The following ERGIC3 variants were observed in gnomAD, a reference collection of about 807,000 sequenced individuals.
ERGIC3 encodes ERGIC and golgi 3.
Under a neutral mutation model 54.7 loss-of-function variants are expected in ERGIC3, and 33 were observed. The observed-to-expected ratio is 0.60, with a 90% CI of 0.46 to 0.81. ERGIC3 has a LOEUF of 0.81. Among genes scored for constraint, ERGIC3 ranks in the 30% least tolerant of loss-of-function variants. The pLI, the probability that ERGIC3 is intolerant of heterozygous loss-of-function variation, is 0.00. For missense variants in ERGIC3, 399 were observed against 488.4 expected, an observed-to-expected ratio of 0.82 and a Z score of 1.73; for synonymous variants, 186 against 189.8, an observed-to-expected ratio of 0.98 and a Z score of 0.16.
chr20:35,543,030 GA>G lies in ERGIC3; in HGVS notation c.367+90del, dbSNP rs776492909. ...GCAAGTGAACTGTGGCAGGCATAGT[GA>G]TACATTAAACAACTAAGAGCTAGAG... On this transcript the variant is annotated intron_variant, in intron 4 of 12. Transcript: ENST00000348547. The G allele has an allele frequency of 3.0e-5, 47 of 1,587,662 alleles. No homozygotes were observed. The East Asian group carries it at 9.2e-4, about 31-fold the overall frequency.
intron 4 of ERGIC3, chr20:35,544,513 TC>T: frequency 3.6e-6 from 1 of 276,004 alleles, no homozygotes; most frequent in Non-Finnish European, 7.5e-6. Context: ...CGGATGTGCG[TC>T]CCCACTCTTT....
chr20:35,549,406 AT>A (rs1393768052), intron 7 of ERGIC3: 1 of 363,148 alleles, frequency 2.8e-6, no homozygotes, highest in African/African-American at 2.1e-5. Context: ...GGGTGAACAA[AT>A]GAGATTTATT....
chr20:35,542,488 T>G lies in ERGIC3; in HGVS notation c.160-25T>G, dbSNP rs150095495. ...GGGGAAGGAGAGGTTTGGGGCTAAG[T>G]CTTACTGAGGTAGCGCTGCCCCAGG... On this transcript the variant is annotated intron_variant, in intron 2 of 12. Coordinates refer to ENST00000348547, the MANE Select transcript of ERGIC3 (RefSeq NM_015966.3). 3.4e-3 allele frequency: 5,505 copies of G among 1,613,872 alleles called. 20 individuals carry two copies. Among genetic ancestry groups the G allele is most frequent in the Non-Finnish European group, 4.0e-3 (4,717 of 1,179,940 alleles).
chr20:35,547,168 A>T (rs2064653071), intron 4 of ERGIC3: 2 of 370,682 alleles, frequency 5.4e-6, no homozygotes, highest in African/African-American at 4.2e-5. Context: ...ATGGTTGTGA[A>T]GTACAGTGAT....
rs1462797135 is a variant in ERGIC3, at chr20:35,548,496, C to T, written c.462-13C>T. 12 of 1,613,390 alleles carry T rather than the reference C, an allele frequency of 7.4e-6. No individual in the cohort carries two copies. The highest frequency in any genetic ancestry group is 9.3e-6 in the Non-Finnish European group (11 of 1,179,890). Reference sequence around the variant, plus strand: ...CCTCTTTAACACTCTCACCGTCACTCCCTGCCCTACAGGTGCTGTAACACC... The same window carrying T: ...CCTCTTTAACACTCTCACCGTCACTTCCTGCCCTACAGGTGCTGTAACACC... On this transcript the variant is annotated splice_polypyrimidine_tract_variant and intron_variant, in intron 5 of 12. Transcript: ENST00000348547.
In ERGIC3 at chr20:35,549,555, T is replaced by C. The variant is rs147241705; in HGVS notation, c.685+690T>C. 405 of 186,688 alleles carry C rather than the reference T, an allele frequency of 2.2e-3. 4 individuals carry two copies. The highest frequency in any genetic ancestry group is 9.3e-3 in the African/African-American group (391 of 41,824). 11.6% of individuals were successfully genotyped at this position (186,688 alleles called of 1,614,324 possible). A position where few individuals can be genotyped will look rare whatever the true frequency, so the allele number is the denominator to read the frequency against. ...AAATAGACAATAAGTATATAAAATA[T>C]AAATAGTCCCCAATTAACAATGGTT... On this transcript the variant is annotated intron_variant, in intron 7 of 12. Coordinates refer to ENST00000348547, the MANE Select transcript of ERGIC3 (RefSeq NM_015966.3).
At chr20:35,549,348 T>C (rs2064669537) in intron 7 of ERGIC3, 1 of 403,818 alleles carries the variant, frequency 2.5e-6, no homozygotes, top group African/African-American at 2.1e-5. Context: ...AGTTGCTTCT[T>C]CTGTAAAATG....
chr20:35,549,236 C>G (rs765571897), intron 7 of ERGIC3: 1 of 473,528 alleles, frequency 2.1e-6, no homozygotes, highest in East Asian at 6.9e-5. Flanking sequence ...GGTAGCCCCC[C>G]GTGTCCGATG....
At chr20:35,550,269 C>G (rs750387938) in intron 7 of ERGIC3, among the ~76,000 whole-genome samples, 1 of 151,982 alleles carries the variant, frequency 6.6e-6, no homozygotes, top group Non-Finnish European at 1.5e-5. Flanking sequence ...TTGGCAAGTT[C>G]AAGATACAGT....
At position 35,555,034 on chromosome 20, in the gene ERGIC3, T is replaced by A; in HGVS notation, c.686-10T>A. ...ACGCCTTCTCCCTTGCCTTCTCCCT[T>A]CTCTCCTAGTCCATGACTTGCAGAG... is the stretch of plus-strand genomic sequence containing the variant. On this transcript the variant is annotated splice_polypyrimidine_tract_variant and intron_variant, in intron 7 of 12. Transcript: ENST00000348547. 6.2e-7 allele frequency: 1 copy of A among 1,613,190 alleles called. No homozygotes were observed. The highest frequency in any genetic ancestry group is 8.5e-7 in the Non-Finnish European group (1 of 1,179,898).
intron 4 of ERGIC3, among the ~76,000 whole-genome samples, chr20:35,546,716 A>G (rs950510875): frequency 2.0e-5 from 3 of 152,204 alleles, no homozygotes; most frequent in Non-Finnish European, 4.4e-5. Flanking sequence ...AGTGTCAAAG[A>G]ATTGGTGGAT....
At chr20:35,550,874 C>T (rs6060460) in intron 7 of ERGIC3, among the ~76,000 whole-genome samples, 2,536 of 152,152 alleles carry the variant, frequency 0.017, 79 homozygotes, top group African/African-American at 0.058. Context: ...GGGGCACGGC[C>T]CAGAGTGGCA....
At chr20:35,555,200 T>C in intron 8 of ERGIC3, 125 bp downstream of exon 8, 1 of 1,137,514 alleles carries the variant, frequency 8.8e-7, no homozygotes, top group Non-Finnish European at 1.3e-6. Flanking sequence ...ACGTTCTGAA[T>C]GGGGATCCAG....
At chr20:35,547,310 A>G (rs984362405) in intron 4 of ERGIC3, 102 bp from the exon 5 acceptor site, 1 of 817,608 alleles carries the variant, frequency 1.2e-6, no homozygotes, top group Non-Finnish European at 2.1e-6. Flanking sequence ...ATTAGTTATT[A>G]TAACTTTTAT....
intron 4 of ERGIC3, among the ~76,000 whole-genome samples, chr20:35,546,032 C>T (rs1186084060): frequency 4.6e-5 from 7 of 152,082 alleles, no homozygotes; most frequent in African/African-American, 7.2e-5. Context: ...TAGCCATTGA[C>T]GTAGAAGAAC....
intron 4 of ERGIC3, chr20:35,544,020 A>G (rs182091661): frequency 2.9e-4 from 40 of 138,700 alleles, no homozygotes; most frequent in African/African-American, 1.4e-3. Context: ...TCTACTATCT[A>G]TCTATCTATC....
chr20:35,542,220 G>A (rs1207890037), intron 1 of ERGIC3, 35 bp downstream of exon 1: 2 of 1,591,508 alleles, frequency 1.3e-6, no homozygotes, highest in Admixed American at 1.7e-5. Context: ...GCGTGGAGGG[G>A]GGCGTCCTAG....
At chr20:35,555,322 C>T (rs950966449) in intron 8 of ERGIC3, among the ~76,000 whole-genome samples, 3 of 152,048 alleles carry the variant, frequency 2.0e-5, no homozygotes, top group African/African-American at 4.8e-5. Flanking sequence ...CAAGGTCAGG[C>T]GGGAGCATGG....
At chr20:35,552,875 T>C (rs2064688533) in intron 7 of ERGIC3, among the ~76,000 whole-genome samples, 1 of 151,956 alleles carries the variant, frequency 6.6e-6, no homozygotes, top group South Asian at 2.1e-4. Flanking sequence ...CTAGAACGTG[T>C]GACAGAGGTA....
Sources: allele counts gnomAD v4.1 joint callset (sites outside exome capture counted in the v4.1 genomes callset), GRCh38; gene constraint gnomAD v4.1.1; transcripts MANE v1.5; gene names NCBI Gene and HGNC (gene_info 2026-07-23, HGNC 2026-07-21).